The following ZPLD1 variants were observed in gnomAD, a reference collection of about 807,000 sequenced individuals.
The protein encoded by ZPLD1 is zona pellucida-like domain-containing protein 1.
A neutral mutation model predicts 47.2 loss-of-function variants in ZPLD1; 34 were observed. That is an observed-to-expected ratio of 0.72 (90% CI 0.55 to 0.96). The LOEUF (loss-of-function observed/expected upper bound fraction) is 0.96, where lower values mean the gene tolerates loss of function less well. Ranked by LOEUF, ZPLD1 falls within the 40% of genes least tolerant of loss-of-function variation. ZPLD1 has a pLI of 0.00. For missense variants in ZPLD1, 512 were observed against 505.8 expected, an observed-to-expected ratio of 1.01 and a Z score of -0.12; for synonymous variants, 176 against 186.2, an observed-to-expected ratio of 0.95 and a Z score of 0.45.
intron 7 of ZPLD1, among the ~76,000 whole-genome samples, chr3:102,402,872 G>A (rs1287288880): frequency 2.6e-5 from 4 of 151,774 alleles, no homozygotes; most frequent in Non-Finnish European, 5.9e-5. Flanking sequence ...TGTGACTGTG[G>A]GATAATGAAA....
intron 10 of ZPLD1, among the ~76,000 whole-genome samples, chr3:102,473,656 A>C (rs1404938976): frequency 4.6e-5 from 7 of 152,192 alleles, no homozygotes; most frequent in Admixed American, 4.6e-4. Flanking sequence ...TCACTGCCTA[A>C]AGGAACATAT....
chr3:102,477,067 TG>T (rs763549470), intron 11 of ZPLD1, 26 bp downstream of exon 11: 4 of 1,612,720 alleles, frequency 2.5e-6, no homozygotes, highest in Admixed American at 1.7e-5. Context: ...TATTTTGCAA[TG>T]TTTTTTACAT....
intron 3 of ZPLD1, among the ~76,000 whole-genome samples, chr3:102,446,708 T>G (rs1707260611): frequency 6.6e-6 from 1 of 152,214 alleles, no homozygotes; most frequent in Non-Finnish European, 1.5e-5. Flanking sequence ...TGGAACTATT[T>G]TATTTCTTCC....
upstream of ZPLD1, among the ~76,000 whole-genome samples, chr3:102,434,420 A>G (rs1419709622): frequency 6.6e-6 from 1 of 152,228 alleles, no homozygotes; most frequent in Non-Finnish European, 1.5e-5. Flanking sequence ...AAAATTTAGT[A>G]TGAGAAATAT....
intron 8 of ZPLD1, among the ~76,000 whole-genome samples, chr3:102,466,248 T>C (rs1224013637): frequency 3.9e-5 from 6 of 152,146 alleles, no homozygotes; most frequent in Admixed American, 3.9e-4. Context: ...AAAGTTGTTA[T>C]TGAAAAACAG....
At position 102,389,013 on chromosome 3, in the gene ZPLD1, C is replaced by A. The variant is rs76613433; in HGVS notation, c.-212-3157C>A. On this transcript the variant is annotated intron_variant, in intron 6 of 17. Coordinates refer to the ZPLD1 transcript ENST00000491959. ...TCAGTTGTATAACTTCAGTTTAACT[C>A]TTCTGGGCTGTTTCTTCTTTATCCC... is the stretch of plus-strand genomic sequence containing the variant. 7.7e-3 allele frequency among the ~76,000 whole-genome samples: 1,179 copies of A among 152,246 alleles called. 19 individuals carry two copies. Among genetic ancestry groups the A allele is most frequent in the African/African-American group, 0.027 (1,117 of 41,552 alleles).
chr3:102,388,183 G>A (rs1706454667), intron 6 of ZPLD1, among the ~76,000 whole-genome samples: 1 of 151,886 alleles, frequency 6.6e-6, no homozygotes, highest in African/African-American at 2.4e-5. Context: ...ATTCTTTCTC[G>A]TTTTTTCTGT....
At chr3:102,406,036 A>T (rs1404246103) in intron 7 of ZPLD1, among the ~76,000 whole-genome samples, 3 of 152,002 alleles carry the variant, frequency 2.0e-5, no homozygotes, top group Non-Finnish European at 4.4e-5. Context: ...TGGAAATGTA[A>T]GTCTGTGATG....
chr3:102,453,243 T>C (rs1707366628), intron 4 of ZPLD1, 104 bp downstream of exon 4: 3 of 1,046,712 alleles, frequency 2.9e-6, no homozygotes, highest in Non-Finnish European at 4.2e-6. Flanking sequence ...AGAAAAAAAA[T>C]AAAATTGAAC....
intron 7 of ZPLD1, among the ~76,000 whole-genome samples, chr3:102,402,472 GTA>G (rs1277165549): frequency 1.3e-5 from 2 of 152,004 alleles, no homozygotes; most frequent in Non-Finnish European, 1.5e-5. Flanking sequence ...CTGTGTAATA[GTA>G]CAGAGTATTT....
chr3:102,425,967 G>A (rs1706940733), intron 8 of ZPLD1, among the ~76,000 whole-genome samples: 1 of 151,306 alleles, frequency 6.6e-6, no homozygotes, highest in African/African-American at 2.4e-5. Context: ...AGATAGCAAG[G>A]GAGGTAAAGT....
At chr3:102,411,886 C>T (rs1240311123) in intron 7 of ZPLD1, among the ~76,000 whole-genome samples, 1 of 151,750 alleles carries the variant, frequency 6.6e-6, no homozygotes, top group Non-Finnish European at 1.5e-5. Flanking sequence ...CTTAATGTCT[C>T]TCTATCAATT....
At chr3:102,471,094 G>C (rs1206576259) in intron 10 of ZPLD1, among the ~76,000 whole-genome samples, 1 of 152,148 alleles carries the variant, frequency 6.6e-6, no homozygotes, top group African/African-American at 2.4e-5. Flanking sequence ...TATCCGCTTG[G>C]ATACCCTGTG....
At chr3:102,389,431 G>A (rs1449339379) in intron 6 of ZPLD1, among the ~76,000 whole-genome samples, 2 of 152,024 alleles carry the variant, frequency 1.3e-5, no homozygotes, top group Non-Finnish European at 2.9e-5. Context: ...AAAGGTTCTA[G>A]GTAAAAGTAT....
rs978383715 is a variant in ZPLD1 at position 102,408,134 on chromosome 3, A to T, written c.-156-9926A>T. On this transcript the variant is annotated intron_variant, in intron 7 of 17. Coordinates refer to the ZPLD1 transcript ENST00000491959. ...TTGTTATGGTGATATGATCACATCG[A>T]TGTCCCAGATGCCCTCTAGCTTTTA... is the stretch of plus-strand genomic sequence containing the variant. Among the ~76,000 whole-genome samples the T allele has an allele frequency of 1.4e-4, 21 of 152,016 alleles. 1 individual carries two copies. The South Asian group carries it at 4.1e-3, about 30-fold the overall frequency.
chr3:102,467,836 TACACACACACAC>T (rs61096565), intron 8 of ZPLD1, among the ~76,000 whole-genome samples: 9 of 140,900 alleles, frequency 6.4e-5, no homozygotes, highest in East Asian at 2.1e-4. Flanking sequence ...AATAAAACTG[TACACACACACAC>T]ACACACACAC....
chr3:102,417,282 T>C (rs1706820484), intron 7 of ZPLD1, among the ~76,000 whole-genome samples: 1 of 152,038 alleles, frequency 6.6e-6, no homozygotes, highest in Non-Finnish European at 1.5e-5. Flanking sequence ...CAGTTATCCC[T>C]AAGCACAGTA....
At chr3:102,416,969 A>G (rs1706815977) in intron 7 of ZPLD1, among the ~76,000 whole-genome samples, 1 of 151,910 alleles carries the variant, frequency 6.6e-6, no homozygotes, top group Non-Finnish European at 1.5e-5. Flanking sequence ...ATTAGATTTA[A>G]AATCACTTAC....
chr3:102,475,774 G>A (rs1208595764), intron 10 of ZPLD1, among the ~76,000 whole-genome samples: 1 of 151,972 alleles, frequency 6.6e-6, no homozygotes, highest in East Asian at 1.9e-4. Flanking sequence ...TTTGAGCATT[G>A]TACTTCAGAA....
Sources: gnomAD v4.1 joint callset for allele counts (sites outside exome capture counted in the v4.1 genomes callset) on GRCh38, gnomAD v4.1.1 for gene constraint, MANE v1.5 for transcripts, NCBI Gene and HGNC (gene_info 2026-07-23, HGNC 2026-07-21) for gene names.